Variants in NRXN1 observed in about 807,000 individuals in gnomAD.
The protein encoded by NRXN1 is neurexin-1.
NRXN1 carries 39 observed loss-of-function variants against 150.9 expected under a neutral mutation model. The observed-to-expected ratio is 0.26, with a 90% CI of 0.20 to 0.34. The LOEUF (loss-of-function observed/expected upper bound fraction) is 0.34. Ranked by LOEUF, NRXN1 falls within the 10% of genes least tolerant of loss-of-function variation. The pLI, the probability that NRXN1 is intolerant of heterozygous loss-of-function variation, is 1.00. For synonymous variants in NRXN1, 924 were observed against 757.0 expected, an observed-to-expected ratio of 1.22 and a Z score of -3.62; for missense variants, 1,815 against 1,949.9, an observed-to-expected ratio of 0.93 and a Z score of 1.30.
intron 21 of NRXN1, among the ~76,000 whole-genome samples, chr2:50,019,512 G>A (rs1400945221): frequency 6.6e-6 from 1 of 150,606 alleles, no homozygotes; most frequent in African/African-American, 2.4e-5. Context: ...GCATAGTGGC[G>A]GGTGCCTGTA....
At chr2:50,173,957 A>G (rs1423781799) in intron 18 of NRXN1, among the ~76,000 whole-genome samples, 1 of 152,130 alleles carries the variant, frequency 6.6e-6, no homozygotes, top group Non-Finnish European at 1.5e-5. Context: ...TAACATGCAT[A>G]TGCACTAAGT....
chr2:50,236,699 A>G, intron 18 of NRXN1, 90 bp downstream of exon 18: 1 of 1,147,602 alleles, frequency 8.7e-7, no homozygotes. Flanking sequence ...TTTCTGGGGG[A>G]AGGAAGCATC....
chr2:49,926,985 T>C lies in NRXN1; in HGVS notation c.4217-4734A>G, dbSNP rs189538472. On this transcript the variant is annotated intron_variant, in intron 22 of 22. Transcript: ENST00000401669. ...CTCCCACTTACCCTTCTTTATTGCC[T>C]CTGTGCCTTGCTCTTCCAGCTCCTG... Among the ~76,000 whole-genome samples the C allele has an allele frequency of 5.4e-4, 82 of 152,312 alleles. 1 individual carries two copies. In the East Asian group the frequency reaches 0.015, roughly 29 times the overall value.
At chr2:50,824,430 A>C (rs939815624) in intron 5 of NRXN1, among the ~76,000 whole-genome samples, 10 of 152,124 alleles carry the variant, frequency 6.6e-5, no homozygotes, top group African/African-American at 1.7e-4. Flanking sequence ...CATTTTAAAG[A>C]TGTAGGGAAA....
In NRXN1 at chr2:51,028,299, G is replaced by T; in HGVS notation, c.-26C>A. On this transcript the variant is annotated 5_prime_UTR_variant, in exon 2 of 23. Coordinates refer to ENST00000401669, the MANE Select transcript of NRXN1 (RefSeq NM_001330078.2). ...GCTCGGGGCTGGGGTGCGGCGGGGG[G>T]GTGCCGGGGCCGACAGGGTCAAAAT... is the stretch of plus-strand genomic sequence containing the variant. 7.1e-7 allele frequency: 1 copy of T among 1,411,122 alleles called. No homozygotes were observed. The highest frequency in any genetic ancestry group is 9.2e-7 in the Non-Finnish European group (1 of 1,082,930). 87.4% of individuals were successfully genotyped at this position (1,411,122 alleles called of 1,614,324 possible).
chr2:50,609,624 G>T (rs991550353), intron 8 of NRXN1, among the ~76,000 whole-genome samples: 4 of 152,118 alleles, frequency 2.6e-5, no homozygotes, highest in Non-Finnish European at 5.9e-5. Flanking sequence ...AGGGAGCCAA[G>T]ATTGGAATCT....
chr2:50,475,826 C>G (rs1030575467), intron 15 of NRXN1, among the ~76,000 whole-genome samples: 1 of 151,580 alleles, frequency 6.6e-6, no homozygotes, highest in African/African-American at 2.4e-5. Flanking sequence ...ACTATTATCA[C>G]TTTATCAAAG....
At chr2:50,698,984 T>G (rs1025135849) in intron 5 of NRXN1, among the ~76,000 whole-genome samples, 8 of 152,162 alleles carry the variant, frequency 5.3e-5, no homozygotes, top group African/African-American at 1.4e-4. Context: ...GAACCTATAC[T>G]ACCAATTGAC....
At chr2:50,390,109 T>TA (rs1440409141) in intron 17 of NRXN1, among the ~76,000 whole-genome samples, 1 of 152,128 alleles carries the variant, frequency 6.6e-6, no homozygotes, top group Non-Finnish European at 1.5e-5. Context: ...ATTCTTTCTG[T>TA]AAAAATGGTC....
At chr2:50,672,489 G>A (rs1162308661) in intron 5 of NRXN1, among the ~76,000 whole-genome samples, 1 of 151,876 alleles carries the variant, frequency 6.6e-6, no homozygotes, top group African/African-American at 2.4e-5. Flanking sequence ...TTTAAGTTGT[G>A]GTTAAATCCC....
intron 5 of NRXN1, among the ~76,000 whole-genome samples, chr2:50,736,032 A>G (rs1698696302): frequency 6.6e-6 from 1 of 152,172 alleles, no homozygotes; most frequent in African/African-American, 2.4e-5. Flanking sequence ...GCAATTTTAA[A>G]ATAAAAACAA....
At chr2:50,168,725 G>A (rs919271977) in intron 18 of NRXN1, among the ~76,000 whole-genome samples, 1 of 152,204 alleles carries the variant, frequency 6.6e-6, no homozygotes, top group Non-Finnish European at 1.5e-5. Flanking sequence ...TCTGGACCAG[G>A]TGGTTGACAA....
intron 18 of NRXN1, among the ~76,000 whole-genome samples, chr2:50,099,538 T>C (rs1274882365): frequency 1.3e-5 from 2 of 152,188 alleles, no homozygotes; most frequent in African/African-American, 2.4e-5. Context: ...ACAAAATTCT[T>C]AGCACATTTA....
In NRXN1 at chr2:49,920,341, C is replaced by T. The variant is rs1248344760; in HGVS notation, c.*1603G>A. The T allele has an allele frequency of 1.3e-5, 2 of 152,518 alleles. No individual in the cohort carries two copies. The highest frequency in any genetic ancestry group is 2.4e-5 in the African/African-American group (1 of 41,390). The allele number at this position is 152,518 out of a possible 1,614,324, so 9.4% of individuals were successfully genotyped here. On this transcript the variant is annotated 3_prime_UTR_variant, in exon 23 of 23. Coordinates refer to ENST00000401669, the MANE Select transcript of NRXN1 (RefSeq NM_001330078.2). ...ACTTTCCAGAAATGTTCATCATGCA[C>T]ATCAGATTCAGAGATATATATATTA...
At chr2:51,012,128 G>T (rs539714416) in intron 2 of NRXN1, among the ~76,000 whole-genome samples, 5 of 151,918 alleles carry the variant, frequency 3.3e-5, no homozygotes, top group African/African-American at 1.2e-4. Context: ...TGACCAAAAC[G>T]TTGTTTCACC....
intron 2 of NRXN1, among the ~76,000 whole-genome samples, chr2:50,997,736 G>C (rs1166198690): frequency 7.1e-6 from 1 of 140,678 alleles, no homozygotes; most frequent in African/African-American, 3.0e-5. Context: ...CTGGAACTCT[G>C]GGCCTTAAGC....
intron 17 of NRXN1, 92 bp from the exon 18 acceptor site, chr2:50,237,062 A>T (rs1163488604): frequency 8.4e-7 from 1 of 1,197,014 alleles, no homozygotes; most frequent in African/African-American, 1.5e-5. Flanking sequence ...TAAAGTATCA[A>T]CTCTACACAC....
intron 17 of NRXN1, among the ~76,000 whole-genome samples, chr2:50,300,328 A>T (rs939651529): frequency 2.0e-5 from 3 of 152,196 alleles, no homozygotes; most frequent in African/African-American, 4.8e-5. Context: ...GTTGTCACAG[A>T]ACTGAAAATT....
intron 5 of NRXN1, among the ~76,000 whole-genome samples, chr2:50,861,558 G>T (rs2106033315): frequency 6.6e-6 from 1 of 152,180 alleles, no homozygotes; most frequent in African/African-American, 2.4e-5. Context: ...ATTTTAAGAG[G>T]ATGCTGCAAT....
Sources: gnomAD v4.1 joint callset for allele counts (sites outside exome capture counted in the v4.1 genomes callset) on GRCh38, gnomAD v4.1.1 for gene constraint, MANE v1.5 for transcripts, NCBI Gene and HGNC (gene_info 2026-07-23, HGNC 2026-07-21) for gene names.